The following CTNNA3 variants were observed in gnomAD, a reference collection of about 807,000 sequenced individuals.
The protein encoded by CTNNA3 is catenin alpha-3.
A neutral mutation model predicts 95.7 loss-of-function variants in CTNNA3; 76 were observed. The ratio of observed to expected loss-of-function variants is 0.79; its 90% CI spans 0.66 to 0.96. CTNNA3 has a LOEUF of 0.96. Ranked by LOEUF, CTNNA3 falls within the 40% of genes least tolerant of loss-of-function variation. The pLI is 0.00. For missense variants in CTNNA3, 1,191 were observed against 1,089.8 expected (o/e 1.09, Z -1.31); for synonymous variants, 431 against 374.4 (o/e 1.15, Z -1.74).
At chr10:67,552,336 A>G (rs767645894) in intron 3 of CTNNA3, among the ~76,000 whole-genome samples, 35 of 152,316 alleles carry the variant, frequency 2.3e-4, no homozygotes, top group Middle Eastern at 3.4e-3. Flanking sequence ...AATAATGATT[A>G]TATGATTTTC....
chr10:67,324,275 T>C (rs945556367), intron 5 of CTNNA3, among the ~76,000 whole-genome samples: 2 of 152,152 alleles, frequency 1.3e-5, no homozygotes, highest in African/African-American at 4.8e-5. Context: ...TGAATAGGAT[T>C]GGTGAGAGAA....
intron 1 of CTNNA3, among the ~76,000 whole-genome samples, chr10:67,729,030 A>C (rs1170049628): frequency 6.6e-6 from 1 of 152,204 alleles, no homozygotes; most frequent in Non-Finnish European, 1.5e-5. Context: ...TAGTAAGTAA[A>C]GCAGGAATTT....
chr10:67,119,910 A>C lies in CTNNA3; in HGVS notation c.1047+60407T>G, dbSNP rs547191847. On this transcript the variant is annotated intron_variant, in intron 7 of 17. Transcript: ENST00000433211. ...CCTGCCTTAGGTTTCCTAGGCAGACAAAAAGGCAGGCAGAATCCACCACTG... is the reference window on the plus strand; with the variant it reads ...CCTGCCTTAGGTTTCCTAGGCAGACCAAAAGGCAGGCAGAATCCACCACTG... Among the ~76,000 whole-genome samples, 23 of 152,038 alleles carry C rather than the reference A, an allele frequency of 1.5e-4. No homozygotes were observed. In the South Asian group the frequency reaches 4.1e-3, roughly 27 times the overall value.
At chr10:67,697,018 A>G (rs1840977938), upstream of CTNNA3, among the ~76,000 whole-genome samples, 1 of 152,234 alleles carries the variant, frequency 6.6e-6, no homozygotes, top group African/African-American at 2.4e-5. Context: ...AATAAAAAGA[A>G]AGCATTTATT....
intron 5 of CTNNA3, among the ~76,000 whole-genome samples, chr10:67,327,467 C>T (rs895816650): frequency 1.3e-5 from 2 of 152,114 alleles, no homozygotes; most frequent in Non-Finnish European, 2.9e-5. Context: ...CAGCTAACTG[C>T]CTTCATTTCT....
At chr10:66,418,867 A>T (rs1210003680) in intron 11 of CTNNA3, among the ~76,000 whole-genome samples, 1 of 152,160 alleles carries the variant, frequency 6.6e-6, no homozygotes, top group East Asian at 1.9e-4. Context: ...GCATAGAATA[A>T]ACATGCCTCA....
chr10:66,248,953 A>T (rs2132062833), intron 13 of CTNNA3, among the ~76,000 whole-genome samples: 1 of 152,278 alleles, frequency 6.6e-6, no homozygotes, highest in East Asian at 1.9e-4. Flanking sequence ...TAAAACAGAC[A>T]CATAGACCAA....
intron 14 of CTNNA3, among the ~76,000 whole-genome samples, chr10:66,076,821 T>C (rs2080572083): frequency 6.6e-6 from 1 of 151,756 alleles, no homozygotes; most frequent in Non-Finnish European, 1.5e-5. Context: ...AATAATAATA[T>C]GATGAGGTAG....
At position 67,566,955 on chromosome 10, in the gene CTNNA3, G is replaced by T. The variant is rs145277622; in HGVS notation, c.293-27286C>A. 0.024 allele frequency among the ~76,000 whole-genome samples: 3,515 copies of T among 147,280 alleles called. 289 individuals carry two copies. In the East Asian group the frequency reaches 0.29, roughly 12 times the overall value. ...CAAACACCACATGTTCTCACTCATA[G>T]GTGGGAACTGAACAATGAGAACACA... On this transcript the variant is annotated intron_variant, in intron 3 of 17. Coordinates refer to ENST00000433211, the MANE Select transcript of CTNNA3 (RefSeq NM_013266.4).
At chr10:66,417,023 A>G (rs1173984019) in intron 11 of CTNNA3, among the ~76,000 whole-genome samples, 3 of 152,052 alleles carry the variant, frequency 2.0e-5, no homozygotes, top group African/African-American at 7.2e-5. Context: ...AATGACAGCA[A>G]TAAAACCTCA....
chr10:67,597,775 C>T (rs1318588646), intron 3 of CTNNA3, among the ~76,000 whole-genome samples: 1 of 152,162 alleles, frequency 6.6e-6, no homozygotes, highest in Non-Finnish European at 1.5e-5. Context: ...GCTGTGCATG[C>T]ACATGTGCTC....
intron 1 of CTNNA3, among the ~76,000 whole-genome samples, chr10:67,694,182 A>G (rs1840920056): frequency 6.6e-6 from 1 of 152,140 alleles, no homozygotes; most frequent in Non-Finnish European, 1.5e-5. Context: ...AATACTATCT[A>G]TCGGTTTCAG....
At chr10:66,395,464 T>C (rs999314830) in intron 11 of CTNNA3, among the ~76,000 whole-genome samples, 5 of 152,004 alleles carry the variant, frequency 3.3e-5, no homozygotes, top group Non-Finnish European at 7.4e-5. Context: ...GTTTTTATCA[T>C]ATGTAAATTG....
chr10:67,408,042 A>C (rs1369621856), intron 5 of CTNNA3, among the ~76,000 whole-genome samples: 1 of 152,170 alleles, frequency 6.6e-6, no homozygotes, highest in Admixed American at 6.5e-5. Context: ...ACGGAAGTGA[A>C]GGACCTCTTC....
At chr10:67,212,854 C>G (rs7099455) in intron 6 of CTNNA3, among the ~76,000 whole-genome samples, 39,920 of 151,514 alleles carry the variant, frequency 0.26, 7,406 homozygotes, top group African/African-American at 0.53. Context: ...ATTTTGTTTG[C>G]AATTTTTGCA....
At chr10:67,729,813 G>A (rs1046013793) in intron 1 of CTNNA3, among the ~76,000 whole-genome samples, 2 of 152,058 alleles carry the variant, frequency 1.3e-5, no homozygotes, top group Non-Finnish European at 2.9e-5. Context: ...ACTAAATGCC[G>A]CTGAAATGTC....
chr10:67,692,869 G>C (rs1487796220), intron 1 of CTNNA3, among the ~76,000 whole-genome samples: 8 of 151,952 alleles, frequency 5.3e-5, no homozygotes, highest in Non-Finnish European at 1.0e-4. Context: ...ATTTTGAACA[G>C]TGCTAATTTA....
At chr10:65,942,807 T>C (rs1413575148) in intron 17 of CTNNA3, among the ~76,000 whole-genome samples, 1 of 151,968 alleles carries the variant, frequency 6.6e-6, no homozygotes, top group African/African-American at 2.4e-5. Flanking sequence ...GGCTCTGGAA[T>C]AAAAAAACCT....
chr10:66,573,522 C>A (rs190835281), intron 10 of CTNNA3, among the ~76,000 whole-genome samples: 1 of 152,154 alleles, frequency 6.6e-6, no homozygotes, highest in Non-Finnish European at 1.5e-5. Context: ...CAAAATTTTA[C>A]TGAAGTTCAA....
Sources: allele counts gnomAD v4.1 joint callset (sites outside exome capture counted in the v4.1 genomes callset), GRCh38; gene constraint gnomAD v4.1.1; transcripts MANE v1.5; gene names NCBI Gene and HGNC (gene_info 2026-07-23, HGNC 2026-07-21).